VAV3: variants seen among roughly 807,000 people sequenced by gnomAD.
VAV3 encodes guanine nucleotide exchange factor VAV3.
VAV3 carries 94 observed loss-of-function variants against 131.2 expected under a neutral mutation model. The observed-to-expected ratio is 0.72, with a 90% confidence interval of 0.61 to 0.85. The LOEUF is 0.85. Ranked by LOEUF, VAV3 falls within the 40% of genes least tolerant of loss-of-function variation. The probability of loss-of-function intolerance (pLI) is 0.00; values close to 1 mark genes in which losing one functional copy is unlikely to be tolerated. For synonymous variants in VAV3, 349 were observed against 342.0 expected, an observed-to-expected ratio of 1.02 and a Z score of -0.22; for missense variants, 939 against 1,002.7, an observed-to-expected ratio of 0.94 and a Z score of 0.86.
intron 19 of VAV3, among the ~76,000 whole-genome samples, chr1:107,676,543 G>T (rs1302261931): frequency 6.6e-6 from 1 of 152,084 alleles, no homozygotes; most frequent in South Asian, 2.1e-4. Context: ...TGGAGTCCCT[G>T]GATCCATCTC....
At chr1:107,645,457 C>T (rs528276142) in intron 19 of VAV3, among the ~76,000 whole-genome samples, 69 of 151,960 alleles carry the variant, frequency 4.5e-4, no homozygotes, top group African/African-American at 1.5e-3. Flanking sequence ...AAGGGCACAG[C>T]GATATAATGA....
intron 1 of VAV3, among the ~76,000 whole-genome samples, chr1:107,961,758 A>G (rs1278293214): frequency 6.6e-6 from 1 of 152,258 alleles, no homozygotes; most frequent in Non-Finnish European, 1.5e-5. Flanking sequence ...AGAAAGAACA[A>G]TAAGTAAGAA....
chr1:107,903,401 A>G (rs533594731), intron 1 of VAV3, among the ~76,000 whole-genome samples: 1 of 152,122 alleles, frequency 6.6e-6, no homozygotes, highest in Non-Finnish European at 1.5e-5. Context: ...AGGCATCCCC[A>G]AATGTGACCT....
At chr1:107,755,293 T>C in intron 12 of VAV3, 134 bp downstream of exon 12, 1 of 683,622 alleles carries the variant, frequency 1.5e-6, no homozygotes, top group Non-Finnish European at 2.5e-6. Flanking sequence ...ACATGAACAC[T>C]GCCAAACAAA....
chr1:107,857,900 A>C (rs1669544429), intron 2 of VAV3, among the ~76,000 whole-genome samples: 1 of 152,168 alleles, frequency 6.6e-6, no homozygotes, highest in Non-Finnish European at 1.5e-5. Flanking sequence ...CTACATGGGA[A>C]ATTTTTCATT....
chr1:107,669,688 T>C (rs1657646082), intron 19 of VAV3, among the ~76,000 whole-genome samples: 1 of 152,192 alleles, frequency 6.6e-6, no homozygotes, highest in Non-Finnish European at 1.5e-5. Context: ...ATTAGTTTTT[T>C]CTTTTTTTTT....
At chr1:107,824,693 A>C (rs1397148289) in intron 2 of VAV3, among the ~76,000 whole-genome samples, 1 of 152,222 alleles carries the variant, frequency 6.6e-6, no homozygotes, top group African/African-American at 2.4e-5. Context: ...AAATTCAGTT[A>C]AAATATTTCA....
chr1:107,872,926 T>C (rs1410687385), intron 2 of VAV3, among the ~76,000 whole-genome samples: 1 of 152,188 alleles, frequency 6.6e-6, no homozygotes, highest in African/African-American at 2.4e-5. Flanking sequence ...TTACTTAGAG[T>C]ATATAATGCT....
At chr1:107,615,822 A>G (rs1411776822) in intron 21 of VAV3, among the ~76,000 whole-genome samples, 2 of 152,138 alleles carry the variant, frequency 1.3e-5, no homozygotes, top group East Asian at 1.9e-4. Context: ...AGACATACAT[A>G]TAATTGGCCA....
At chr1:107,729,596 C>T (rs1662096147) in intron 15 of VAV3, among the ~76,000 whole-genome samples, 1 of 152,140 alleles carries the variant, frequency 6.6e-6, no homozygotes, top group South Asian at 2.1e-4. Flanking sequence ...CTGTGATGAG[C>T]TGTGTGGTTC....
intron 2 of VAV3, among the ~76,000 whole-genome samples, chr1:107,867,478 A>T (rs1670048770): frequency 1.3e-5 from 2 of 152,196 alleles, no homozygotes; most frequent in Admixed American, 1.3e-4. Flanking sequence ...AAAACAAAGG[A>T]GGGCAATAGT....
chr1:107,771,201 C>A (rs1178319846), intron 5 of VAV3, among the ~76,000 whole-genome samples: 1 of 151,036 alleles, frequency 6.6e-6, no homozygotes, highest in South Asian at 2.1e-4. Context: ...ACACTAAAAT[C>A]AAAGATTCTG....
intron 1 of VAV3, among the ~76,000 whole-genome samples, chr1:107,878,268 A>T (rs890107749): frequency 1.3e-5 from 2 of 152,178 alleles, no homozygotes; most frequent in Admixed American, 6.5e-5. Flanking sequence ...CCTACAGATC[A>T]ACAATACCAT....
At chr1:107,646,431 A>C (rs1655740928) in intron 19 of VAV3, among the ~76,000 whole-genome samples, 1 of 152,074 alleles carries the variant, frequency 6.6e-6, no homozygotes, top group Non-Finnish European at 1.5e-5. Context: ...AACTACCTTC[A>C]GACATTAAAT....
At chr1:107,676,980 T>C (rs1658255302) in intron 19 of VAV3, among the ~76,000 whole-genome samples, 1 of 152,154 alleles carries the variant, frequency 6.6e-6, no homozygotes, top group Non-Finnish European at 1.5e-5. Flanking sequence ...ACGTTTCTAA[T>C]ACCTATATAG....
At chr1:107,769,266 A>G (rs1283296779) in intron 6 of VAV3, among the ~76,000 whole-genome samples, 2 of 152,118 alleles carry the variant, frequency 1.3e-5, no homozygotes, top group South Asian at 4.1e-4. Flanking sequence ...GCTTTTCTAG[A>G]AAAACAAACA....
intron 2 of VAV3, among the ~76,000 whole-genome samples, chr1:107,796,438 G>T (rs561251218): frequency 4.6e-5 from 7 of 152,056 alleles, no homozygotes; most frequent in African/African-American, 1.7e-4. Flanking sequence ...TGTATACTGG[G>T]GCCAATGTAC....
At chr1:107,735,720 C>T (rs1662575929) in intron 15 of VAV3, among the ~76,000 whole-genome samples, 1 of 152,022 alleles carries the variant, frequency 6.6e-6, no homozygotes, top group Non-Finnish European at 1.5e-5. Context: ...AATTAATAGC[C>T]TAACAACCAA....
intron 2 of VAV3, among the ~76,000 whole-genome samples, chr1:107,852,488 T>C (rs1273868608): frequency 6.6e-6 from 1 of 152,206 alleles, no homozygotes; most frequent in Non-Finnish European, 1.5e-5. Context: ...TATATAATCT[T>C]AATAAAACTG....
Sources: allele counts gnomAD v4.1 joint callset (sites outside exome capture counted in the v4.1 genomes callset), GRCh38; gene constraint gnomAD v4.1.1; transcripts MANE v1.5; gene names NCBI Gene and HGNC (gene_info 2026-07-23, HGNC 2026-07-21).